The following GPC4 variants were observed in gnomAD, a reference collection of about 807,000 sequenced individuals.
GPC4 encodes the protein glypican 4, also known as glypican-4.
In GPC4, 10 loss-of-function variants were observed where a neutral mutation model predicts 35.0. The ratio of observed to expected loss-of-function variants is 0.29; its 90% confidence interval spans 0.18 to 0.48. The LOEUF (loss-of-function observed/expected upper bound fraction) is 0.48. GPC4 is among the 20% of genes least tolerant of loss of function. The pLI is 0.99. For synonymous variants in GPC4, 167 were observed against 170.2 expected (o/e 0.98, Z 0.15); for missense variants, 322 against 451.3 (o/e 0.71, Z 2.60).
chrX:133,406,680 C>T (rs1346902247), intron 1 of GPC4, among the ~76,000 whole-genome samples: 2 of 91,448 alleles, frequency 2.2e-5, no homozygotes, highest in Non-Finnish European at 4.1e-5. Context: ...ACCCAGGAGG[C>T]GGAGGTTGCA....
chrX:133,354,846 G>C (rs749109178), intron 1 of GPC4, among the ~76,000 whole-genome samples: 2 of 111,268 alleles, frequency 1.8e-5, no homozygotes, highest in East Asian at 5.6e-4. Context: ...GGGATTACAG[G>C]CGTGAGCCAC....
chrX:133,356,536 C>T lies in GPC4; in HGVS notation c.161-17195G>A, dbSNP rs768012349. Among the ~76,000 whole-genome samples, 6 of 111,633 alleles carry T rather than the reference C, an allele frequency of 5.4e-5. No individual in the cohort carries two copies. The East Asian group carries it at 1.4e-3, about 27-fold the overall frequency. On this transcript the variant is annotated intron_variant, in intron 1 of 8. Transcript: ENST00000370828. Reference sequence around the variant, plus strand: ...CTGGAATTACAGGTGTGAGCCACCACACCTGGCAGTGAATTCTTACTTAGT... The same window carrying T: ...CTGGAATTACAGGTGTGAGCCACCATACCTGGCAGTGAATTCTTACTTAGT...
At position 133,303,646 on chromosome X, in the gene GPC4, ATTCG is replaced by A. The variant is rs1459235847; in HGVS notation, c.1293-309_1293-306del. ...GTGGGTGGATCACTTGAGGTCAGGCATTCGAGACCAACCTGGCCAACATAGCGAA... is the reference window on the plus strand; with the variant it reads ...GTGGGTGGATCACTTGAGGTCAGGCAAGACCAACCTGGCCAACATAGCGAA... On this transcript the variant is annotated intron_variant, in intron 7 of 8. Coordinates refer to ENST00000370828, the MANE Select transcript of GPC4 (RefSeq NM_001448.3). Among the ~76,000 whole-genome samples the A allele has an allele frequency of 2.2e-4, 24 of 110,805 alleles. 1 individual carries two copies. The highest frequency in any genetic ancestry group is 7.9e-4 in the African/African-American group (24 of 30,442).
chrX:133,404,039 A>G (rs775776259), intron 1 of GPC4, among the ~76,000 whole-genome samples: 7 of 111,235 alleles, frequency 6.3e-5, no homozygotes, highest in Non-Finnish European at 1.3e-4. Context: ...ACATAGTCAG[A>G]CACTATCCTT....
rs756245504 is a variant in GPC4 at position 133,379,685 on chromosome X, G to C, written c.160+35121C>G. 2.7e-5 allele frequency among the ~76,000 whole-genome samples: 3 copies of C among 111,551 alleles called. No individual in the cohort carries two copies. The South Asian group carries it at 1.1e-3, about 42-fold the overall frequency. On this transcript the variant is annotated intron_variant, in intron 1 of 8. Transcript: ENST00000370828. Reference sequence around the variant, plus strand: ...AGAGAAGTCTTAGTTCCATTATATGGAAAGTGAGGGAGGGGTCATTTTACA... The same window carrying C: ...AGAGAAGTCTTAGTTCCATTATATGCAAAGTGAGGGAGGGGTCATTTTACA...
chrX:133,327,636 A>AGTTTGTGT lies in GPC4; in HGVS notation c.320-3101_320-3100insACACAAAC, dbSNP rs1289042509. On this transcript the variant is annotated intron_variant, in intron 2 of 8. Transcript: ENST00000370828. ...CCATGACTCACATTCTGTCCAGGAA[A>AGTTTGTGT]GTGTGTGTGTGTGTGTGTGTGTGTG... Among the ~76,000 whole-genome samples the AGTTTGTGT allele has an allele frequency of 1.9e-3, 160 of 83,284 alleles. 1 individual carries two copies. The highest frequency in any genetic ancestry group is 6.6e-3 in the African/African-American group (150 of 22,664). 72.3% of individuals were successfully genotyped at this position (83,284 alleles called of 115,157 possible).
rs1291630415 is a variant in GPC4 at position 133,304,791 on chromosome X, T to G, written c.1226A>C (p.Asn409Thr). Residue 409 changes from asparagine (N) to threonine (T), a missense_variant, in exon 7 of 9, where the codon AAC becomes ACC. Physicochemically the swap from Asn to Thr is moderately conservative, Grantham distance 65 (BLOSUM62 0). This residue lies in a region of GPC4 where 163 missense variants were observed against 277.2 expected (regional missense o/e 0.59). Coordinates refer to ENST00000370828, the MANE Select transcript of GPC4 (RefSeq NM_001448.3). ...FWSSLPSNVCNDERMAAGNGN... is the reference protein window; with the variant it reads ...FWSSLPSNVCTDERMAAGNGN... ...GTTTCCTGCAGCCATCCTCTCATCG[T>G]TGCAAACGTTGCTCGGAAGGGAGGA... 8.3e-7 allele frequency: 1 copy of G among 1,209,390 alleles called. No homozygotes were observed. Among genetic ancestry groups the G allele is most frequent in the Non-Finnish European group, 1.1e-6 (1 of 894,578 alleles).
At chrX:133,359,540 A>T (rs1192641443) in intron 1 of GPC4, among the ~76,000 whole-genome samples, 1 of 112,180 alleles carries the variant, frequency 8.9e-6, no homozygotes, top group African/African-American at 3.2e-5. Flanking sequence ...CAAAGGCTAT[A>T]GTAAGAGGCT....
chrX:133,386,537 T>C (rs1414309505), intron 1 of GPC4, among the ~76,000 whole-genome samples: 1 of 111,240 alleles, frequency 9.0e-6, no homozygotes, highest in African/African-American at 3.3e-5. Flanking sequence ...CTAATGACAT[T>C]AATGGAAATG....
intron 1 of GPC4, among the ~76,000 whole-genome samples, chrX:133,357,893 C>A (rs1238037422): frequency 8.9e-6 from 1 of 111,813 alleles, no homozygotes. Flanking sequence ...AAAGGGGATT[C>A]TTTCTATGTT....
chrX:133,406,280 C>T (rs2068786786), intron 1 of GPC4, among the ~76,000 whole-genome samples: 1 of 112,403 alleles, frequency 8.9e-6, no homozygotes, highest in Non-Finnish European at 1.9e-5. Context: ...AGTTGTGGTT[C>T]ACACTTATAT....
At chrX:133,359,952 A>G (rs930230694) in intron 1 of GPC4, among the ~76,000 whole-genome samples, 5 of 110,971 alleles carry the variant, frequency 4.5e-5, no homozygotes, top group African/African-American at 1.6e-4. Flanking sequence ...AAACCAGTAA[A>G]TCTAATTTCC....
chrX:133,305,959 C>T (rs767883865), intron 5 of GPC4, 41 bp from the exon 6 acceptor site: 6 of 1,208,307 alleles, frequency 5.0e-6, no homozygotes, highest in Non-Finnish European at 6.7e-6. Context: ...GAAGTCACTC[C>T]CAAGGCGGGA....
chrX:133,366,676 T>C (rs2068591384), intron 1 of GPC4, among the ~76,000 whole-genome samples: 1 of 111,047 alleles, frequency 9.0e-6, no homozygotes. Flanking sequence ...GGCAGGAGAA[T>C]AGGGTCTGGA....
At chrX:133,400,832 G>A (rs767092071) in intron 1 of GPC4, among the ~76,000 whole-genome samples, 2 of 105,064 alleles carry the variant, frequency 1.9e-5, no homozygotes, top group South Asian at 9.4e-4. Flanking sequence ...CCTGCCCACA[G>A]GTCAGGTGGT....
At chrX:133,337,076 C>G (rs903586535) in intron 2 of GPC4, among the ~76,000 whole-genome samples, 1 of 111,849 alleles carries the variant, frequency 8.9e-6, no homozygotes, top group Non-Finnish European at 1.9e-5. Flanking sequence ...GCCGTGGCCT[C>G]CCAAAGTGCT....
At chrX:133,314,038 G>A (rs896588806) in intron 3 of GPC4, among the ~76,000 whole-genome samples, 10 of 112,162 alleles carry the variant, frequency 8.9e-5, no homozygotes, top group Middle Eastern at 4.6e-3. Context: ...AACGTAGAAA[G>A]CTAAGGGGTC....
At chrX:133,329,354 A>G (rs751701402) in intron 2 of GPC4, among the ~76,000 whole-genome samples, 1 of 112,349 alleles carries the variant, frequency 8.9e-6, no homozygotes, top group South Asian at 3.7e-4. Flanking sequence ...TTTAAAAAAA[A>G]TCTTTAAAGA....
chrX:133,310,527 A>C (rs2068310302), intron 4 of GPC4, among the ~76,000 whole-genome samples: 1 of 111,500 alleles, frequency 9.0e-6, no homozygotes, highest in African/African-American at 3.3e-5. Flanking sequence ...ATGGTTTTCT[A>C]GGTGGAATAT....
Sources: allele counts gnomAD v4.1 joint callset (sites outside exome capture counted in the v4.1 genomes callset), GRCh38; gene constraint gnomAD v4.1.1; regional missense constraint gnomAD v4.1.1; transcripts MANE v1.5; gene names NCBI Gene and HGNC (gene_info 2026-07-23, HGNC 2026-07-21).